Variants in ADAM9 observed in about 807,000 individuals in gnomAD.
ADAM9 encodes the protein disintegrin and metalloproteinase domain-containing protein 9.
ADAM9 carries 54 observed loss-of-function variants against 108.1 expected under a neutral mutation model. The ratio of observed to expected loss-of-function variants is 0.50; its 90% CI spans 0.40 to 0.63. The LOEUF (loss-of-function observed/expected upper bound fraction) is 0.63, where lower values mean the gene tolerates loss of function less well. Among genes scored for constraint, ADAM9 ranks in the 20% least tolerant of loss-of-function variants. The pLI is 0.00. For missense variants in ADAM9, 830 were observed against 997.7 expected (o/e 0.83, Z 2.26); for synonymous variants, 316 against 336.0 (o/e 0.94, Z 0.65).
chr8:39,081,032 C>A (rs911927651), intron 16 of ADAM9, among the ~76,000 whole-genome samples: 1 of 148,346 alleles, frequency 6.7e-6, no homozygotes, highest in Non-Finnish European at 1.5e-5. Context: ...TGGCTCACTG[C>A]AGCCTCTGCC....
intron 16 of ADAM9, among the ~76,000 whole-genome samples, chr8:39,078,353 ACT>A (rs1305594978): frequency 3.9e-5 from 5 of 127,522 alleles, no homozygotes; most frequent in African/African-American, 9.7e-5. Context: ...GCAGAGGAAG[ACT>A]CTGTCTCAAA....
intron 16 of ADAM9, among the ~76,000 whole-genome samples, chr8:39,080,047 A>T (rs542482795): frequency 1.3e-5 from 2 of 152,222 alleles, no homozygotes; most frequent in African/African-American, 4.8e-5. Context: ...CTGCTGTTAA[A>T]TATTTTCTTG....
Position 39,004,626 on chromosome 8 carries a change from A to G in ADAM9, c.98-3260A>G, listed in dbSNP as rs531827447. 5.3e-5 allele frequency among the ~76,000 whole-genome samples: 8 copies of G among 152,372 alleles called. 1 individual carries two copies. The East Asian group carries it at 1.5e-3, about 29-fold the overall frequency. ...ATAAAAGAATGGCTACTCCACGAGC[A>G]GAACAGTGGCACGGGCTGCTCAGCT... is the stretch of plus-strand genomic sequence containing the variant. On this transcript the variant is annotated intron_variant, in intron 1 of 21. Transcript: ENST00000487273.
At chr8:39,070,355 T>A (rs923648251) in intron 14 of ADAM9, among the ~76,000 whole-genome samples, 1 of 152,120 alleles carries the variant, frequency 6.6e-6, no homozygotes, top group Non-Finnish European at 1.5e-5. Flanking sequence ...TGGATAAATT[T>A]CCAGAAGCAG....
At chr8:39,016,794 G>A (rs924291153) in intron 5 of ADAM9, among the ~76,000 whole-genome samples, 4 of 152,146 alleles carry the variant, frequency 2.6e-5, no homozygotes, top group African/African-American at 9.7e-5. Context: ...AATATGTTCC[G>A]TGTGTTTTCT....
intron 1 of ADAM9, among the ~76,000 whole-genome samples, chr8:39,006,720 A>G (rs1255178166): frequency 6.6e-6 from 1 of 151,948 alleles, no homozygotes; most frequent in African/African-American, 2.4e-5. Context: ...TTTCAATTCA[A>G]GTGATGACTT....
Position 39,021,673 on chromosome 8 carries a change from G to A in ADAM9, c.703G>A (p.Val235Met), listed in dbSNP as rs768363203. 1 of 1,614,050 alleles carries A rather than the reference G, an allele frequency of 6.2e-7. No individual in the cohort carries two copies. Among genetic ancestry groups the A allele is most frequent in the Non-Finnish European group, 8.5e-7 (1 of 1,179,918 alleles). The change falls in exon 8 of 22, where the codon GTG (valine) becomes ATG (methionine). Residue 235 changes from valine to methionine, a missense_variant. This residue lies in a region of ADAM9 where 381 missense variants were observed against 539.8 expected (regional missense o/e 0.71). Transcript: ENST00000487273. ...CATGATGGGAAGAAATCAGACTGCT[G>A]TGAGAGAAGAGATGATTCTCCTGGC... ...YDMMGRNQTAVREEMILLANY... is the reference protein window; with the variant it reads ...YDMMGRNQTAMREEMILLANY...
At chr8:39,102,368 C>T (rs1035696237) in intron 21 of ADAM9, among the ~76,000 whole-genome samples, 2 of 152,022 alleles carry the variant, frequency 1.3e-5, no homozygotes, top group Non-Finnish European at 2.9e-5. Context: ...AGAAATGATC[C>T]CAGCTTTGGG....
intron 14 of ADAM9, among the ~76,000 whole-genome samples, chr8:39,063,240 TA>T (rs1838352101): frequency 6.6e-6 from 1 of 152,210 alleles, no homozygotes; most frequent in Non-Finnish European, 1.5e-5. Context: ...ATTTCACCTT[TA>T]GGGGCATTTT....
At chr8:39,076,986 AAAG>A (rs1368913741) in intron 15 of ADAM9, among the ~76,000 whole-genome samples, 1 of 152,152 alleles carries the variant, frequency 6.6e-6, no homozygotes, top group Non-Finnish European at 1.5e-5. Context: ...AAGTGTGGTA[AAAG>A]AAGAAGCATC....
rs770133199 is a variant in ADAM9 at position 39,091,292 on chromosome 8, A to G, written c.2244A>G (p.Arg748=). 14 of 1,614,196 alleles carry G rather than the reference A, an allele frequency of 8.7e-6. No individual in the cohort carries two copies. The highest frequency in any genetic ancestry group is 1.1e-5 in the Non-Finnish European group (13 of 1,180,032). Residue 748 remains arginine, a synonymous_variant, in exon 20 of 22, where the codon AGA becomes AGG. Transcript: ENST00000487273. ...SDGKNQANPS[R]QPGSVPRHVS... is the part of the protein sequence containing the mutation. ...GCAAAAATCAAGCAAACCCTTCTAG[A>G]CAGCCGGGGAGTGTTCCTCGACATG...
At chr8:39,043,705 C>A (rs1226330015) in intron 12 of ADAM9, among the ~76,000 whole-genome samples, 2 of 152,078 alleles carry the variant, frequency 1.3e-5, no homozygotes, top group African/African-American at 4.8e-5. Flanking sequence ...AAAGTGAGGG[C>A]TTTTCATGTA....
chr8:39,002,309 ATTC>A (rs1419604093), intron 1 of ADAM9, among the ~76,000 whole-genome samples: 306 of 107,482 alleles, frequency 2.8e-3, no homozygotes, highest in South Asian at 8.9e-3. Context: ...ATTAGGTAGA[ATTC>A]TTTTTTTTTT....
Position 39,104,577 on chromosome 8 carries a change from A to G in ADAM9, c.*877A>G. 1 of 408,244 alleles carries G rather than the reference A, an allele frequency of 2.4e-6. No individual in the cohort carries two copies. The highest frequency in any genetic ancestry group is 4.8e-6 in the Non-Finnish European group (1 of 209,750). The allele number at this position is 408,244 out of a possible 1,614,324, so 25.3% of individuals were successfully genotyped here. On this transcript the variant is annotated 3_prime_UTR_variant, in exon 22 of 22. Transcript: ENST00000487273. ...ATCTTCAATCAATTGAACTTTTACA[A>G]AACCACTTGAGAATTTCATGAGCAC...
intron 11 of ADAM9, among the ~76,000 whole-genome samples, chr8:39,029,465 C>T (rs1165266200): frequency 6.6e-6 from 1 of 152,116 alleles, no homozygotes; most frequent in Non-Finnish European, 1.5e-5. Flanking sequence ...TATGTCTTGT[C>T]CAGCTTAGTG....
At chr8:39,036,701 A>T (rs968926223) in intron 11 of ADAM9, among the ~76,000 whole-genome samples, 4 of 152,148 alleles carry the variant, frequency 2.6e-5, no homozygotes, top group African/African-American at 9.7e-5. Context: ...CCAGCCAGTG[A>T]TGGCTAGTGG....
intron 15 of ADAM9, among the ~76,000 whole-genome samples, chr8:39,072,080 T>G (rs550062658): frequency 6.6e-6 from 1 of 152,352 alleles, no homozygotes; most frequent in South Asian, 2.1e-4. Context: ...TATTTTCTTC[T>G]AGCTTTGTAT....
chr8:39,068,632 G>T (rs1171608164), intron 14 of ADAM9, among the ~76,000 whole-genome samples: 1 of 121,966 alleles, frequency 8.2e-6, no homozygotes, highest in African/African-American at 3.0e-5. Flanking sequence ...CCGAGATCAT[G>T]CCATTGCACT....
chr8:39,025,607 GTCT>G (rs1836895432), intron 9 of ADAM9, among the ~76,000 whole-genome samples, 193 bp from the exon 10 acceptor site: 1 of 151,830 alleles, frequency 6.6e-6, no homozygotes, highest in African/African-American at 2.4e-5. Context: ...TCCAGAAAGT[GTCT>G]TCATTTGTCT....
Sources: allele counts gnomAD v4.1 joint callset (sites outside exome capture counted in the v4.1 genomes callset), GRCh38; gene constraint gnomAD v4.1.1; regional missense constraint gnomAD v4.1.1; transcripts MANE v1.5; gene names NCBI Gene and HGNC (gene_info 2026-07-23, HGNC 2026-07-21).